CAMK2A: variants seen among roughly 807,000 people sequenced by gnomAD.
CAMK2A encodes the protein calcium/calmodulin-dependent protein kinase type II subunit alpha.
A neutral mutation model predicts 79.2 loss-of-function variants in CAMK2A; 7 were observed. That is an observed-to-expected ratio of 0.09 (90% CI 0.05 to 0.17). The LOEUF is 0.17. Ranked by LOEUF, CAMK2A falls within the 10% of genes least tolerant of loss-of-function variation. The pLI is 1.00. For missense variants in CAMK2A, 214 were observed against 646.4 expected, an observed-to-expected ratio of 0.33 and a Z score of 7.25; for synonymous variants, 242 against 251.7, an observed-to-expected ratio of 0.96 and a Z score of 0.36.
At chr5:150,289,831 C>T (rs924556326), upstream of CAMK2A, 6 of 543,240 alleles carry the variant, frequency 1.1e-5, no homozygotes, top group African/African-American at 1.1e-4. Flanking sequence ...TCCAGGTCCC[C>T]ATGGCAACCA....
intron 13 of CAMK2A, among the ~76,000 whole-genome samples, chr5:150,240,284 G>A (rs769420801): frequency 6.6e-6 from 1 of 152,200 alleles, no homozygotes; most frequent in African/African-American, 2.4e-5. Context: ...GGTCTGGGGT[G>A]CGGCCTGAGC....
chr5:150,277,548 C>T (rs1247175964), intron 1 of CAMK2A, among the ~76,000 whole-genome samples: 2 of 152,252 alleles, frequency 1.3e-5, no homozygotes, highest in Non-Finnish European at 2.9e-5. Context: ...CTCTTCAGAA[C>T]AGCACCAAGC....
intron 16 of CAMK2A, among the ~76,000 whole-genome samples, chr5:150,229,503 A>G (rs979091138): frequency 2.0e-5 from 3 of 152,208 alleles, no homozygotes; most frequent in Admixed American, 1.3e-4. Flanking sequence ...ACTGAGGCTC[A>G]GAGAGATGAA....
chr5:150,223,456 A>T lies in CAMK2A; in HGVS notation c.1238-239T>A, dbSNP rs1158816459. Among the ~76,000 whole-genome samples the T allele has an allele frequency of 2.0e-5, 3 of 152,234 alleles. No individual in the cohort carries two copies. The highest frequency in any genetic ancestry group is 7.2e-5 in the African/African-American group (3 of 41,464). On this transcript the variant is annotated intron_variant, in intron 17 of 18. Transcript: ENST00000671881. This position sits in a 1 kb window ranked among gnomAD's most constrained non-coding sequence, Gnocchi z 4.1. The stretch of plus-strand genomic sequence containing the variant: ...AGTTCAGACATGCAGAATTCATCAA[A>T]CATGAGAAAATGGAATGTTTGAATC...
chr5:150,220,075 G>A lies in CAMK2A; in HGVS notation c.*2635C>T, dbSNP rs572605070. 1 of 152,720 alleles carries A rather than the reference G, an allele frequency of 6.5e-6. No homozygotes were observed. The highest frequency in any genetic ancestry group is 1.5e-5 in the Non-Finnish European group (1 of 68,032). The allele number at this position is 152,720 out of a possible 1,614,324, so 9.5% of individuals were successfully genotyped here. A position where few individuals can be genotyped will look rare whatever the true frequency, so the allele number is the denominator to read the frequency against. On this transcript the variant is annotated 3_prime_UTR_variant, in exon 19 of 19. Transcript: ENST00000671881. ...TCACAGTGGGGGCCATCTCAGCCTGGGGTAGCGATCTGCCTCCACTTCTCT... is the reference window on the plus strand; with the variant it reads ...TCACAGTGGGGGCCATCTCAGCCTGAGGTAGCGATCTGCCTCCACTTCTCT...
At chr5:150,283,401 G>T (rs1757294335) in intron 1 of CAMK2A, among the ~76,000 whole-genome samples, 1 of 151,980 alleles carries the variant, frequency 6.6e-6, no homozygotes, top group African/African-American at 2.4e-5. Flanking sequence ...TAGAGACAAG[G>T]TCTTGCTCTG....
At chr5:150,252,603 G>A (rs150108109) in intron 7 of CAMK2A, among the ~76,000 whole-genome samples, 1 of 152,214 alleles carries the variant, frequency 6.6e-6, no homozygotes, top group Admixed American at 6.5e-5. Context: ...GAAGGATTAG[G>A]GATTCCTATC....
intron 2 of CAMK2A, among the ~76,000 whole-genome samples, chr5:150,268,021 A>G (rs551841899): frequency 5.9e-5 from 9 of 151,978 alleles, no homozygotes; most frequent in African/African-American, 2.2e-4. Context: ...CTACAGGCAC[A>G]TGCCACCATG....
chr5:150,239,561 A>AT, intron 14 of CAMK2A, 143 bp downstream of exon 14: 2 of 739,254 alleles, frequency 2.7e-6, no homozygotes, highest in Non-Finnish European at 4.9e-6. Context: ...CAACACACAT[A>AT]TTGTCACACA....
At chr5:150,270,175 G>C (rs764500947) in intron 2 of CAMK2A, among the ~76,000 whole-genome samples, 1 of 152,220 alleles carries the variant, frequency 6.6e-6, no homozygotes, top group East Asian at 1.9e-4. Flanking sequence ...TATTAGGTTG[G>C]TGTTAATAGC....
At chr5:150,225,490 C>T (rs941814998) in intron 17 of CAMK2A, among the ~76,000 whole-genome samples, 5 of 152,170 alleles carry the variant, frequency 3.3e-5, no homozygotes, top group South Asian at 4.1e-4. Flanking sequence ...ATGGGGCCCG[C>T]TGCATAGAGG....
chr5:150,245,205 T>A lies in CAMK2A; in HGVS notation c.944-4A>T, dbSNP rs1191809665. On this transcript the variant is annotated splice_region_variant and splice_polypyrimidine_tract_variant and intron_variant, in intron 12 of 18. Coordinates refer to ENST00000671881, the MANE Select transcript of CAMK2A (RefSeq NM_015981.4). ...TTGTTTCCCCCACTCTTCCCTCCTG[T>A]GGAGGAGAAAAAGTAGAGGGTTAAC... 1 of 1,613,458 alleles carries A rather than the reference T, an allele frequency of 6.2e-7. No homozygotes were observed. Among genetic ancestry groups the A allele is most frequent in the African/African-American group, 1.3e-5 (1 of 74,994 alleles).
intron 16 of CAMK2A, 28 bp from the exon 17 acceptor site, chr5:150,228,314 G>A: frequency 1.3e-6 from 2 of 1,552,126 alleles, no homozygotes; most frequent in Non-Finnish European, 1.8e-6. Flanking sequence ...GAGGGAAGAG[G>A]GACTGGGGCG....
chr5:150,283,906 A>C (rs1757318535), intron 1 of CAMK2A, among the ~76,000 whole-genome samples: 1 of 152,184 alleles, frequency 6.6e-6, no homozygotes, highest in Non-Finnish European at 1.5e-5. Context: ...CAAGGCCCTC[A>C]ACCTTCTCCA....
chr5:150,237,116 G>A (rs111743669), intron 15 of CAMK2A, among the ~76,000 whole-genome samples: 164 of 152,246 alleles, frequency 1.1e-3, no homozygotes, highest in African/African-American at 3.4e-3. Context: ...ACCCACCACC[G>A]CCCAGGTTGG....
rs1012735478 is a variant in CAMK2A, at chr5:150,221,346, G to T, written c.*1364C>A. 10 of 398,242 alleles carry T rather than the reference G, an allele frequency of 2.5e-5. No individual in the cohort carries two copies. The highest frequency in any genetic ancestry group is 1.9e-4 in the African/African-American group (9 of 48,588). The allele number at this position is 398,242 out of a possible 1,614,324, so 24.7% of individuals were successfully genotyped here. A position where few individuals can be genotyped will look rare whatever the true frequency, so the allele number is the denominator to read the frequency against. On this transcript the variant is annotated 3_prime_UTR_variant, in exon 19 of 19. Coordinates refer to ENST00000671881, the MANE Select transcript of CAMK2A (RefSeq NM_015981.4). Reference sequence around the variant, plus strand: ...AACCCGAGGCTGCAGGATGAGGCATGAAGAGTAGAAATTCCCAGTGCTTTG... The same window carrying T: ...AACCCGAGGCTGCAGGATGAGGCATTAAGAGTAGAAATTCCCAGTGCTTTG...
intron 15 of CAMK2A, among the ~76,000 whole-genome samples, chr5:150,233,795 GTTT>G (rs1314694783): frequency 2.0e-5 from 3 of 151,992 alleles, no homozygotes; most frequent in African/African-American, 4.8e-5. Flanking sequence ...GTTTGTTTGT[GTTT>G]TTGTTTGTTT....
chr5:150,277,676 G>A (rs918925818), intron 1 of CAMK2A, among the ~76,000 whole-genome samples: 4 of 152,196 alleles, frequency 2.6e-5, no homozygotes, highest in Non-Finnish European at 2.9e-5. Flanking sequence ...TGCATTTTTT[G>A]GAGGCAGGTA....
intron 15 of CAMK2A, chr5:150,238,437 G>A (rs1755182825): frequency 2.8e-6 from 1 of 351,312 alleles, no homozygotes; most frequent in South Asian, 2.8e-5. Flanking sequence ...GGACGACAGA[G>A]CGAGACGTCA....
Sources: gnomAD v4.1 joint callset for allele counts (sites outside exome capture counted in the v4.1 genomes callset) on GRCh38, gnomAD v4.1.1 for gene constraint, Gnocchi (gnomAD v3.1) non-coding constraint, MANE v1.5 for transcripts, NCBI Gene and HGNC (gene_info 2026-07-23, HGNC 2026-07-21) for gene names.